Variants in ARHGEF2 observed in about 807,000 individuals in gnomAD.
ARHGEF2 encodes the protein Rho/Rac guanine nucleotide exchange factor 2.
In ARHGEF2, 22 loss-of-function variants were observed where a neutral mutation model predicts 121.0. That is an observed-to-expected ratio of 0.18 (90% CI 0.13 to 0.26). The LOEUF is 0.26. Among genes scored for constraint, ARHGEF2 ranks in the 10% least tolerant of loss-of-function variants. The pLI is 1.00. For missense variants in ARHGEF2, 907 were observed against 1,336.0 expected (o/e 0.68, Z 5.01); for synonymous variants, 487 against 530.0 (o/e 0.92, Z 1.11).
chr1:155,951,962 C>T lies in ARHGEF2; in HGVS notation c.2129G>A (p.Gly710Asp). The change falls in exon 17 of 22, where the codon GGC becomes GAC. Residue 710 changes from glycine to aspartate, a missense_variant. This residue lies in a region of ARHGEF2 where 432 missense variants were observed against 559.5 expected (regional missense o/e 0.77). Transcript: ENST00000361247. This position sits in a 1 kb window ranked among gnomAD's most constrained non-coding sequence, Gnocchi z 5.1. The stretch of plus-strand genomic sequence containing the variant: ...GTCAGCTCTGCAGAGTTCAATGGAG[C>T]CATTGAAGGTTCTGGCCTCACCATC... The part of the protein sequence containing the change: ...TANGEARTFN[G>D]SIELCRADSD... The T allele has an allele frequency of 1.2e-6, 2 of 1,614,078 alleles. No homozygotes were observed. Among genetic ancestry groups the T allele is most frequent in the Non-Finnish European group, 1.7e-6 (2 of 1,180,024 alleles).
intron 1 of ARHGEF2, chr1:155,970,796 GCTGCAGTGC>G: frequency 1.0e-6 from 1 of 986,042 alleles, no homozygotes; most frequent in Non-Finnish European, 1.2e-6. Context: ...AGGGCATGGG[GCTGCAGTGC>G]CTGGGCCCAA....
In ARHGEF2 at chr1:155,962,774, C is replaced by T; in HGVS notation, c.976-56G>A. The T allele has an allele frequency of 1.2e-6, 2 of 1,609,818 alleles. No homozygotes were observed. The highest frequency in any genetic ancestry group is 8.5e-7 in the Non-Finnish European group (1 of 1,177,676). ...CATTCCCCCAAAGCCACACTTTACC[C>T]ACTGGACACACCTCTGGCCTCCTGC... On this transcript the variant is annotated intron_variant, in intron 8 of 21. Transcript: ENST00000361247. The surrounding 1 kb of genome is among the most constrained non-coding windows in gnomAD (Gnocchi z 5.8).
Position 155,951,209 on chromosome 1 carries a change from C to T in ARHGEF2, c.2323G>A (p.Glu775Lys), listed in dbSNP as rs767026645. ...ARFPEGPERR[E>K]KLCRANSRDG... The stretch of plus-strand genomic sequence containing the variant: ...CGAGAGTTGGCTCGGCACAGCTTCT[C>T]CCGCCGCTCAGGGCCCTCAGGGAAC... Residue 775 changes from glutamate (E) to lysine (K), a missense_variant, in exon 20 of 22, where the codon GAG (glutamate) becomes AAG (lysine). Glu to Lys is a moderately conservative substitution (Grantham distance 56, BLOSUM62 1). This residue lies in a region of ARHGEF2 where 432 missense variants were observed against 559.5 expected (regional missense o/e 0.77). Coordinates refer to ENST00000361247, the MANE Select transcript of ARHGEF2 (RefSeq NM_001162383.2). The surrounding 1 kb of genome is among the most constrained non-coding windows in gnomAD (Gnocchi z 5.1). 3 of 1,611,106 alleles carry T rather than the reference C, an allele frequency of 1.9e-6. No homozygotes were observed. Among genetic ancestry groups the T allele is most frequent in the South Asian group, 2.2e-5 (2 of 90,728 alleles).
Position 155,957,792 on chromosome 1 carries a change from G to A in ARHGEF2, c.1636C>T (p.Pro546Ser). The A allele has an allele frequency of 6.2e-7, 1 of 1,614,226 alleles. No homozygotes were observed. The highest frequency in any genetic ancestry group is 8.5e-7 in the Non-Finnish European group (1 of 1,180,044). The change falls in exon 13 of 22, where the codon CCT becomes TCT. Residue 546 changes from proline (P) to serine (S), a missense_variant. Pro to Ser is a moderately conservative substitution (Grantham distance 74). Transcript: ENST00000361247. ...KGMFLISAAP[P>S]EMYEVHTASR... ...GCTGTGTGCACCTCGTACATCTCAG[G>A]TGGGGCTGCGCTGATCAGAAACATC...
In ARHGEF2 at chr1:155,950,481, G is replaced by T; in HGVS notation, c.2705C>A (p.Pro902His). 6.2e-7 allele frequency: 1 copy of T among 1,613,448 alleles called. No homozygotes were observed. The highest frequency in any genetic ancestry group is 1.1e-5 in the South Asian group (1 of 91,074). ...ATCCAGGCGGTCAGTGCCTCGGCTG[G>T]GCTGTGGACAGTGGGCAGGAAGAAC... ...ALYLSFNPPQ[P>H]SRGTDRLDLP... Residue 902 changes from proline to histidine, a missense_variant and splice_region_variant, in exon 21 of 22, where the codon CCC (proline) becomes CAC (histidine). Coordinates refer to ENST00000361247, the MANE Select transcript of ARHGEF2 (RefSeq NM_001162383.2). The surrounding 1 kb of genome is among the most constrained non-coding windows in gnomAD (Gnocchi z 5.2).
chr1:155,978,240 A>AAACAC lies in ARHGEF2; in HGVS notation c.63+124_63+125insGTGTT. Reference sequence around the variant, plus strand: ...ACCCACCCCGTCCCGCCGCTCGCCGATCCACCGCTCCGCCCGATTTTGGCG... The same window carrying AAACAC: ...ACCCACCCCGTCCCGCCGCTCGCCGAAACACTCCACCGCTCCGCCCGATTTTGGCG... On this transcript the variant is annotated intron_variant, in intron 1 of 21. Transcript: ENST00000361247. This position sits in a 1 kb window ranked among gnomAD's most constrained non-coding sequence, Gnocchi z 4.1. The AAACAC allele has an allele frequency of 9.2e-7, 1 of 1,091,388 alleles. No individual in the cohort carries two copies. Among genetic ancestry groups the AAACAC allele is most frequent in the African/African-American group, 1.7e-5 (1 of 58,310 alleles). The allele number at this position is 1,091,388 out of a possible 1,614,324, so 67.6% of individuals were successfully genotyped here.
At chr1:155,956,954 G>A (rs1335074262) in intron 13 of ARHGEF2, among the ~76,000 whole-genome samples, 4 of 150,004 alleles carry the variant, frequency 2.7e-5, no homozygotes, top group African/African-American at 9.8e-5. Context: ...CCAGCTATTT[G>A]GGAGGCTGAG....
In ARHGEF2 at chr1:155,951,187, G is replaced by C. The variant is rs575038617; in HGVS notation, c.2345C>G (p.Ser782Cys). The C allele has an allele frequency of 1.2e-6, 2 of 1,608,302 alleles. No individual in the cohort carries two copies. Among genetic ancestry groups the C allele is most frequent in the African/African-American group, 1.3e-5 (1 of 74,896 alleles). ...ERREKLCRAN[S>C]RDGEAGRAGA... The stretch of plus-strand genomic sequence containing the variant: ...AGCCCTGCCAGCCTCCCCATCCCGA[G>C]AGTTGGCTCGGCACAGCTTCTCCCG... Residue 782 changes from serine (S) to cysteine (C), a missense_variant, in exon 20 of 22, where the codon TCT becomes TGT. Ser to Cys is a moderately radical substitution (Grantham distance 112, BLOSUM62 -1). Around this residue, in one of 2 missense-constraint regions of ARHGEF2, gnomAD observed 432 missense variants for 559.5 expected, o/e 0.77. Transcript: ENST00000361247. This position sits in a 1 kb window ranked among gnomAD's most constrained non-coding sequence, Gnocchi z 5.1.
At chr1:155,972,091 A>G (rs1383708802) in intron 1 of ARHGEF2, among the ~76,000 whole-genome samples, 1 of 152,082 alleles carries the variant, frequency 6.6e-6, no homozygotes, top group Non-Finnish European at 1.5e-5. Context: ...GGCATCCACA[A>G]ACACTCATCT....
intron 7 of ARHGEF2, among the ~76,000 whole-genome samples, chr1:155,964,144 CAAAAAAAAAAAAA>C (rs71576039): frequency 2.5e-4 from 14 of 55,762 alleles, no homozygotes; most frequent in South Asian, 7.7e-4. Context: ...GACTCTGCTT[CAAAAAAAAAAAAA>C]AAAAAAAAAA....
chr1:155,960,946 G>A (rs1677779699), intron 11 of ARHGEF2, among the ~76,000 whole-genome samples: 1 of 152,156 alleles, frequency 6.6e-6, no homozygotes, highest in Non-Finnish European at 1.5e-5. Flanking sequence ...CTCCCTGCCT[G>A]TCCTTCACCG....
Position 155,947,508 on chromosome 1 carries a change from G to A in ARHGEF2, c.*434C>T. On this transcript the variant is annotated 3_prime_UTR_variant, in exon 22 of 22. Transcript: ENST00000361247. ...GCTGTGGCTGCAGCCTCTCCTCCAAGACGGATGTTGCAGGGGAGGGCCGTT... is the reference window on the plus strand; with the variant it reads ...GCTGTGGCTGCAGCCTCTCCTCCAAAACGGATGTTGCAGGGGAGGGCCGTT... 2.3e-6 allele frequency: 1 copy of A among 442,274 alleles called. No individual in the cohort carries two copies. The highest frequency in any genetic ancestry group is 4.6e-6 in the Non-Finnish European group (1 of 219,362). 27.4% of individuals were successfully genotyped at this position (442,274 alleles called of 1,614,324 possible).
At chr1:155,964,824 TG>T (rs1212345511) in intron 7 of ARHGEF2, among the ~76,000 whole-genome samples, 163 bp downstream of exon 7, 6 of 138,374 alleles carry the variant, frequency 4.3e-5, no homozygotes, top group African/African-American at 1.7e-4. Flanking sequence ...ACCTGGGAGG[TG>T]GAGGCTGCAG....
At position 155,965,548 on chromosome 1, in the gene ARHGEF2, G is replaced by A; in HGVS notation, c.470+83C>T. ...TTGTCTGTCTACAGTTCTGAACTCAGGGATGGAAAGGGACCTCTCAGCACC... is the reference window on the plus strand; with the variant it reads ...TTGTCTGTCTACAGTTCTGAACTCAAGGATGGAAAGGGACCTCTCAGCACC... On this transcript the variant is annotated intron_variant, in intron 5 of 21. Transcript: ENST00000361247. This position sits in a 1 kb window ranked among gnomAD's most constrained non-coding sequence, Gnocchi z 6.0. 6.2e-7 allele frequency: 1 copy of A among 1,607,722 alleles called. No homozygotes were observed.
intron 1 of ARHGEF2, among the ~76,000 whole-genome samples, chr1:155,977,401 AG>A (rs1364717966): frequency 6.6e-6 from 1 of 152,096 alleles, no homozygotes; most frequent in Non-Finnish European, 1.5e-5. Context: ...GTACTTGGAG[AG>A]GAGTGGCCAA....
rs756673457 is a variant in ARHGEF2 at position 155,961,905 on chromosome 1, G to C, written c.1224C>G (p.Ile408Met). 6.2e-7 allele frequency: 1 copy of C among 1,613,680 alleles called. No homozygotes were observed. The highest frequency in any genetic ancestry group is 8.5e-7 in the Non-Finnish European group (1 of 1,179,732). ...ISRILQHSHGIEEERQDLTTA... is the reference protein window; with the variant it reads ...ISRILQHSHGMEEERQDLTTA... Reference sequence around the variant, plus strand: ...TGGTCAGGTCCTGGCGCTCCTCCTCGATCCCTGGCACCGGGGGTTGGCATG... The same window carrying C: ...TGGTCAGGTCCTGGCGCTCCTCCTCCATCCCTGGCACCGGGGGTTGGCATG... The change falls in exon 11 of 22, where the codon ATC becomes ATG. Residue 408 changes from isoleucine to methionine, a missense_variant. Ile to Met is a conservative substitution (Grantham distance 10). Coordinates refer to ENST00000361247, the MANE Select transcript of ARHGEF2 (RefSeq NM_001162383.2). This position sits in a 1 kb window ranked among gnomAD's most constrained non-coding sequence, Gnocchi z 4.7.
chr1:155,978,688 C>T (rs1290809243), upstream of ARHGEF2: 6 of 962,096 alleles, frequency 6.2e-6, no homozygotes, highest in Non-Finnish European at 8.1e-6. The surrounding 1 kb of genome is among the most constrained non-coding windows in gnomAD (Gnocchi z 4.1). Context: ...GGGGGCAGCT[C>T]GGAGAGGTAC....
At position 155,965,025 on chromosome 1, in the gene ARHGEF2, A is replaced by G. The variant is rs980872013; in HGVS notation, c.687T>C (p.His229=). ...CTTGCTGCTTCATCACCTCCTTTTT[A>G]TGCTGCTGCAGGAAGCTGCTGTCCA... ...LAVDSSFLQQ[H]KKEVMKQQDV... is the part of the protein sequence containing the mutation. Residue 229 remains histidine, a synonymous_variant, in exon 7 of 22, where the codon CAT becomes CAC. Transcript: ENST00000361247. This position sits in a 1 kb window ranked among gnomAD's most constrained non-coding sequence, Gnocchi z 6.0. 2 of 1,614,078 alleles carry G rather than the reference A, an allele frequency of 1.2e-6. No individual in the cohort carries two copies. The highest frequency in any genetic ancestry group is 1.1e-5 in the South Asian group (1 of 91,082).
chr1:155,956,288 G>A (rs1379356110), intron 13 of ARHGEF2, among the ~76,000 whole-genome samples: 3 of 151,692 alleles, frequency 2.0e-5, no homozygotes, highest in African/African-American at 7.3e-5. Flanking sequence ...TAGTAGAGAC[G>A]AGGTTTCACC....
Sources: gnomAD v4.1 joint callset for allele counts (sites outside exome capture counted in the v4.1 genomes callset) on GRCh38, gnomAD v4.1.1 for gene constraint, gnomAD v4.1.1 regional missense constraint, Gnocchi (gnomAD v3.1) non-coding constraint, MANE v1.5 for transcripts, NCBI Gene and HGNC (gene_info 2026-07-23, HGNC 2026-07-21) for gene names.